DLGAP2: variants seen among roughly 807,000 people sequenced by gnomAD.
The protein encoded by DLGAP2 is DLG associated protein 2.
DLGAP2 carries 26 observed loss-of-function variants against 100.3 expected under a neutral mutation model. The ratio of observed to expected loss-of-function variants is 0.26; its 90% CI spans 0.19 to 0.36. The LOEUF (loss-of-function observed/expected upper bound fraction) is 0.36. Among genes scored for constraint, DLGAP2 ranks in the 10% least tolerant of loss-of-function variants. DLGAP2 has a pLI of 1.00. For synonymous variants in DLGAP2, 886 were observed against 630.1 expected (o/e 1.41, Z -6.08); for missense variants, 1,858 against 1,453.2 (o/e 1.28, Z -4.53).
At chr8:1,699,277 C>G (rs1799502423) in intron 14 of DLGAP2, among the ~76,000 whole-genome samples, 2 of 152,136 alleles carry the variant, frequency 1.3e-5, no homozygotes, top group African/African-American at 2.4e-5. Context: ...CAAGACCATC[C>G]TGGCTAACAC....
chr8:1,496,328 G>A (rs1799545269), intron 3 of DLGAP2, among the ~76,000 whole-genome samples: 2 of 152,088 alleles, frequency 1.3e-5, no homozygotes, highest in Admixed American at 6.5e-5. Context: ...AGGAGTGCAT[G>A]GGGGTCGGAA....
chr8:853,736 T>C (rs1797224274), intron 1 of DLGAP2, among the ~76,000 whole-genome samples: 1 of 152,226 alleles, frequency 6.6e-6, no homozygotes, highest in Non-Finnish European at 1.5e-5. Context: ...TGTCATTTAA[T>C]TTAATAAGAA....
At chr8:1,517,069 A>G (rs575017102) in intron 4 of DLGAP2, among the ~76,000 whole-genome samples, 5 of 152,136 alleles carry the variant, frequency 3.3e-5, no homozygotes, top group African/African-American at 9.6e-5. Flanking sequence ...CAGTAGAATC[A>G]CCCCATCTTG....
At chr8:1,137,503 C>T (rs1249233277) in intron 2 of DLGAP2, 1 of 152,354 alleles carries the variant, frequency 6.6e-6, no homozygotes. Flanking sequence ...ACACCATTTT[C>T]TTACTCTATG....
chr8:748,546 G>A (rs1313897456), intron 1 of DLGAP2, among the ~76,000 whole-genome samples: 1 of 152,182 alleles, frequency 6.6e-6, no homozygotes, highest in Non-Finnish European at 1.5e-5. Flanking sequence ...AAGCAGCAGA[G>A]TCCAAAGCAT....
At chr8:1,157,627 G>A (rs1796816296) in intron 2 of DLGAP2, among the ~76,000 whole-genome samples, 1 of 152,260 alleles carries the variant, frequency 6.6e-6, no homozygotes, top group South Asian at 2.1e-4. Flanking sequence ...GTTCTCACCT[G>A]TGTGTCCTCT....
intron 2 of DLGAP2, among the ~76,000 whole-genome samples, chr8:1,042,785 G>GGTGGGTGT (rs1802394117): frequency 7.2e-6 from 1 of 138,430 alleles, no homozygotes; most frequent in Non-Finnish European, 1.6e-5. Flanking sequence ...GGATGTGGGT[G>GGTGGGTGT]GTGGGTGTGG....
At chr8:1,623,667 C>T (rs1309666000) in intron 6 of DLGAP2, among the ~76,000 whole-genome samples, 1 of 152,140 alleles carries the variant, frequency 6.6e-6, no homozygotes, top group African/African-American at 2.4e-5. Context: ...GACCTGACAC[C>T]AGTGTGTGAT....
chr8:1,522,920 G>C (rs1024486038), intron 4 of DLGAP2, among the ~76,000 whole-genome samples: 1 of 152,188 alleles, frequency 6.6e-6, no homozygotes, highest in South Asian at 2.1e-4. Context: ...AAGGGATGCA[G>C]CTTTTTACCT....
At chr8:1,093,517 C>T (rs1385764933) in intron 2 of DLGAP2, among the ~76,000 whole-genome samples, 1 of 149,864 alleles carries the variant, frequency 6.7e-6, no homozygotes, top group Non-Finnish European at 1.5e-5. Context: ...ACACCAACAG[C>T]CAGACCGAAA....
At chr8:1,681,370 C>T (rs1798940254) in intron 12 of DLGAP2, among the ~76,000 whole-genome samples, 1 of 152,084 alleles carries the variant, frequency 6.6e-6, no homozygotes, top group East Asian at 1.9e-4. Flanking sequence ...CAGTGGCTCA[C>T]ACCTGTAATC....
chr8:1,382,159 G>T (rs1165922191), intron 3 of DLGAP2, among the ~76,000 whole-genome samples: 1 of 152,172 alleles, frequency 6.6e-6, no homozygotes, highest in African/African-American at 2.4e-5. Context: ...GACACACATT[G>T]TGTTTGTTAC....
intron 5 of DLGAP2, among the ~76,000 whole-genome samples, chr8:1,560,949 C>T (rs989957810): frequency 1.3e-5 from 2 of 152,116 alleles, no homozygotes; most frequent in Non-Finnish European, 2.9e-5. Flanking sequence ...TCATTAATAC[C>T]CGATATGGTT....
chr8:1,680,571 T>G (rs566522281), intron 12 of DLGAP2: 1 of 152,258 alleles, frequency 6.6e-6, no homozygotes, highest in East Asian at 1.9e-4. Context: ...ACGCCGAATG[T>G]TGGGGAGATG....
chr8:758,441 A>G (rs972199733), intron 1 of DLGAP2, among the ~76,000 whole-genome samples: 2 of 152,318 alleles, frequency 1.3e-5, no homozygotes, highest in African/African-American at 4.8e-5. Context: ...ACATTTGCGT[A>G]TAGTTTACAA....
intron 3 of DLGAP2, among the ~76,000 whole-genome samples, chr8:1,438,517 C>G (rs1010262918): frequency 6.6e-6 from 1 of 152,134 alleles, no homozygotes; most frequent in Non-Finnish European, 1.5e-5. Flanking sequence ...TAAGTGGTGA[C>G]TCACCACTAG....
chr8:1,670,030 C>CCCGTCT (rs141578208), intron 10 of DLGAP2, among the ~76,000 whole-genome samples: 6,392 of 152,074 alleles, frequency 0.042, 152 homozygotes, highest in South Asian at 0.067. Flanking sequence ...GGTGCCATCG[C>CCCGTCT]CCGTCTCCGT....
chr8:921,413 T>C (rs1798711390), intron 2 of DLGAP2, among the ~76,000 whole-genome samples: 1 of 152,188 alleles, frequency 6.6e-6, no homozygotes. Flanking sequence ...CTATGGCCAT[T>C]TCTGTGTCCA....
chr8:1,376,473 C>T (rs1401691324), intron 3 of DLGAP2, among the ~76,000 whole-genome samples: 3 of 152,384 alleles, frequency 2.0e-5, no homozygotes, highest in East Asian at 3.9e-4. Flanking sequence ...GGCTGACCTG[C>T]GCTTCAGAAC....
Sources: allele counts gnomAD v4.1 joint callset (sites outside exome capture counted in the v4.1 genomes callset), GRCh38; gene constraint gnomAD v4.1.1; transcripts MANE v1.5; gene names NCBI Gene and HGNC (gene_info 2026-07-23, HGNC 2026-07-21).